The following GPHN variants were observed in gnomAD, a reference collection of about 807,000 sequenced individuals.
GPHN encodes the protein gephyrin.
In GPHN, 17 loss-of-function variants were observed where a neutral mutation model predicts 95.5. That is an observed-to-expected ratio of 0.18 (90% confidence interval 0.12 to 0.27). The LOEUF (loss-of-function observed/expected upper bound fraction) is 0.27, where lower values mean the gene tolerates loss of function less well. GPHN is among the 10% of genes least tolerant of loss of function. The pLI, the probability that GPHN is intolerant of heterozygous loss-of-function variation, is 1.00. For synonymous variants in GPHN, 320 were observed against 322.5 expected, an observed-to-expected ratio of 0.99 and a Z score of 0.08; for missense variants, 660 against 978.1, an observed-to-expected ratio of 0.67 and a Z score of 4.34.
intron 21 of GPHN, among the ~76,000 whole-genome samples, chr14:67,176,899 AT>A (rs2082998298): frequency 6.6e-6 from 1 of 152,104 alleles, no homozygotes; most frequent in African/African-American, 2.4e-5. Flanking sequence ...GGTAGTTTGT[AT>A]TTCTGTGGGA....
rs372594624 is a variant in GPHN, at chr14:66,919,639, A to G, written c.457-3027A>G. On this transcript the variant is annotated intron_variant, in intron 6 of 22. Coordinates refer to ENST00000478722, the MANE Select transcript of GPHN (RefSeq NM_020806.5). ...TAAACAATCTTGTGGCCACTTTGAC[A>G]TAAGTTTCTTGCATCTGTGTAAAAG... Among the ~76,000 whole-genome samples the G allele has an allele frequency of 6.6e-5, 10 of 152,350 alleles. 1 individual carries two copies. In the East Asian group the frequency reaches 7.7e-4, roughly 12 times the overall value.
At chr14:66,698,012 T>G (rs995267741) in intron 2 of GPHN, among the ~76,000 whole-genome samples, 1 of 152,132 alleles carries the variant, frequency 6.6e-6, no homozygotes, top group African/African-American at 2.4e-5. Flanking sequence ...TAAATAATAT[T>G]TTCATCTTAT....
chr14:66,771,344 GTCCT>G (rs762827277), intron 2 of GPHN, among the ~76,000 whole-genome samples: 5 of 151,906 alleles, frequency 3.3e-5, no homozygotes, highest in African/African-American at 4.8e-5. Flanking sequence ...TAATTTTCAT[GTCCT>G]TCTCGTCATA....
chr14:67,641,249 G>A, the GPHN span, among the ~76,000 whole-genome samples: 1 of 152,160 alleles, frequency 6.6e-6, no homozygotes, highest in Non-Finnish European at 1.5e-5. Flanking sequence ...CACAAGTTTT[G>A]TGTTTAGACT....
At chr14:66,534,298 A>G (rs972865871) in intron 1 of GPHN, among the ~76,000 whole-genome samples, 1 of 152,084 alleles carries the variant, frequency 6.6e-6, no homozygotes, top group African/African-American at 2.4e-5. Context: ...ACTAATATCC[A>G]CTTCTCCTGT....
chr14:67,386,729 C>T, the GPHN span, among the ~76,000 whole-genome samples: 1 of 152,102 alleles, frequency 6.6e-6, no homozygotes, highest in African/African-American at 2.4e-5. Flanking sequence ...ATGTATTTTT[C>T]GTATACGTGA....
chr14:66,690,430 C>T (rs117515624), intron 2 of GPHN, among the ~76,000 whole-genome samples: 2,026 of 152,134 alleles, frequency 0.013, 19 homozygotes, highest in Middle Eastern at 0.02. Flanking sequence ...TTTGTTGAGC[C>T]TTGTTTTGTG....
intron 13 of GPHN, among the ~76,000 whole-genome samples, chr14:67,109,566 AT>A (rs1321567574): frequency 6.6e-6 from 1 of 152,234 alleles, no homozygotes; most frequent in Non-Finnish European, 1.5e-5. Context: ...TCATTTTTAA[AT>A]GATTTAATTA....
intron 19 of GPHN, among the ~76,000 whole-genome samples, chr14:67,163,463 G>GA (rs533398464): frequency 0.013 from 1,868 of 148,858 alleles, 20 homozygotes; most frequent in Non-Finnish European, 0.019. Context: ...GGTGCCACAG[G>GA]AAAAAAAAAA....
At chr14:66,613,219 C>T (rs946338503) in intron 1 of GPHN, among the ~76,000 whole-genome samples, 1 of 152,008 alleles carries the variant, frequency 6.6e-6, no homozygotes, top group African/African-American at 2.4e-5. Flanking sequence ...TTTAAAGGCA[C>T]CTTATTTACT....
chr14:66,788,683 G>C (rs2059869833), intron 3 of GPHN, among the ~76,000 whole-genome samples: 1 of 152,210 alleles, frequency 6.6e-6, no homozygotes, highest in African/African-American at 2.4e-5. Flanking sequence ...TTGAGACGGA[G>C]TTTTGCCCTT....
chr14:67,392,203 C>T, the GPHN span: 23 of 706,390 alleles, frequency 3.3e-5, no homozygotes, highest in South Asian at 1.1e-4. Context: ...CTCTTGCTTT[C>T]GTAGATTTTG....
At chr14:67,552,280 A>G in the GPHN span, among the ~76,000 whole-genome samples, 3 of 152,198 alleles carry the variant, frequency 2.0e-5, no homozygotes, top group African/African-American at 7.2e-5. Flanking sequence ...CAGCCAAATA[A>G]GGGTTCTATA....
intron 2 of GPHN, among the ~76,000 whole-genome samples, chr14:66,696,881 T>C (rs1478290093): frequency 6.6e-6 from 1 of 152,240 alleles, no homozygotes; most frequent in Non-Finnish European, 1.5e-5. Flanking sequence ...AGATTTGTGG[T>C]TTATCACGTA....
At chr14:67,464,655 G>T in the GPHN span, among the ~76,000 whole-genome samples, 1 of 152,192 alleles carries the variant, frequency 6.6e-6, no homozygotes, top group East Asian at 1.9e-4. Context: ...CTGTCATCAC[G>T]ATCCAGGCTT....
In GPHN at chr14:66,905,112, C is replaced by T. The variant is rs530095006; in HGVS notation, c.390-10891C>T. Reference sequence around the variant, plus strand: ...TGTATCTTACCGGTGATCTTCATTGCTCTTCATGCTTTTTGCTTTTTTCTT... The same window carrying T: ...TGTATCTTACCGGTGATCTTCATTGTTCTTCATGCTTTTTGCTTTTTTCTT... On this transcript the variant is annotated intron_variant, in intron 5 of 22. Coordinates refer to ENST00000478722, the MANE Select transcript of GPHN (RefSeq NM_020806.5). Among the ~76,000 whole-genome samples the T allele has an allele frequency of 2.9e-4, 44 of 152,098 alleles. 1 individual carries two copies. Among genetic ancestry groups the T allele is most frequent in the African/African-American group, 1.1e-3 (44 of 41,504 alleles).
At chr14:67,236,199 AAATTTTG>A in the GPHN span, among the ~76,000 whole-genome samples, 28 of 152,222 alleles carry the variant, frequency 1.8e-4, no homozygotes, top group East Asian at 5.0e-3. Flanking sequence ...CTCCTAACTG[AAATTTTG>A]TATCCTTTGA....
At chr14:67,067,803 G>T (rs964874238) in intron 11 of GPHN, among the ~76,000 whole-genome samples, 1 of 152,234 alleles carries the variant, frequency 6.6e-6, no homozygotes, top group South Asian at 2.1e-4. Flanking sequence ...TGCTAAGACT[G>T]TGGGAAAAGC....
chr14:67,385,473 T>A, the GPHN span: 1 of 150,690 alleles, frequency 6.6e-6, no homozygotes. Flanking sequence ...ATCTTGAATC[T>A]CCCATCAAAG....
Sources: gnomAD v4.1 joint callset for allele counts (sites outside exome capture counted in the v4.1 genomes callset) on GRCh38, gnomAD v4.1.1 for gene constraint, MANE v1.5 for transcripts, NCBI Gene and HGNC (gene_info 2026-07-23, HGNC 2026-07-21) for gene names.